The following GLIS1 variants were observed in gnomAD, a reference collection of about 807,000 sequenced individuals.
GLIS1 encodes the protein zinc finger protein GLIS1.
In GLIS1, 24 loss-of-function variants were observed where a neutral mutation model predicts 63.8. That is an observed-to-expected ratio of 0.38 (90% CI 0.27 to 0.53). The LOEUF (loss-of-function observed/expected upper bound fraction) is 0.53, where lower values mean the gene tolerates loss of function less well. Among genes scored for constraint, GLIS1 ranks in the 20% least tolerant of loss-of-function variants. GLIS1 has a pLI of 0.85. For missense variants in GLIS1, 1,036 were observed against 1,074.1 expected, an observed-to-expected ratio of 0.96 and a Z score of 0.50; for synonymous variants, 450 against 482.5, an observed-to-expected ratio of 0.93 and a Z score of 0.88.
chr1:53,640,951 C>G (rs934673420), intron 2 of GLIS1, among the ~76,000 whole-genome samples: 1 of 152,146 alleles, frequency 6.6e-6, no homozygotes, highest in African/African-American at 2.4e-5. Flanking sequence ...AAGGCACACT[C>G]TTAGGCCTCT....
At chr1:53,666,995 C>T (rs1009518436) in intron 2 of GLIS1, among the ~76,000 whole-genome samples, 1 of 152,218 alleles carries the variant, frequency 6.6e-6, no homozygotes, top group African/African-American at 2.4e-5. Context: ...CTCATCCCTA[C>T]ACTACTTCAT....
At chr1:53,568,833 C>A (rs1644958415) in intron 4 of GLIS1, among the ~76,000 whole-genome samples, 1 of 152,202 alleles carries the variant, frequency 6.6e-6, no homozygotes, top group Non-Finnish European at 1.5e-5. Context: ...GCCTGTGGCT[C>A]TGTGAGTCAA....
chr1:53,676,742 C>T (rs1646216911), intron 2 of GLIS1, among the ~76,000 whole-genome samples: 2 of 152,186 alleles, frequency 1.3e-5, no homozygotes, highest in Non-Finnish European at 2.9e-5. Context: ...AGGCCAGAAG[C>T]ACCCTCCACC....
intron 2 of GLIS1, among the ~76,000 whole-genome samples, chr1:53,664,904 G>C (rs1007167513): frequency 6.6e-6 from 1 of 152,176 alleles, no homozygotes; most frequent in Non-Finnish European, 1.5e-5. Flanking sequence ...TGGGGCAAGA[G>C]CACAGATGGT....
intron 2 of GLIS1, among the ~76,000 whole-genome samples, chr1:53,679,780 A>G (rs1426944162): frequency 6.6e-6 from 1 of 152,248 alleles, no homozygotes; most frequent in Admixed American, 6.5e-5. Flanking sequence ...AGGGCTGGAA[A>G]GCCCCTGTAG....
chr1:53,627,753 C>T (rs1267808030), intron 2 of GLIS1, among the ~76,000 whole-genome samples: 1 of 152,078 alleles, frequency 6.6e-6, no homozygotes, highest in Non-Finnish European at 1.5e-5. Flanking sequence ...TGAGTATCAA[C>T]CAGAGAGGAG....
intron 2 of GLIS1, among the ~76,000 whole-genome samples, chr1:53,608,424 T>C (rs1399379224): frequency 6.6e-6 from 1 of 152,232 alleles, no homozygotes; most frequent in Non-Finnish European, 1.5e-5. Context: ...GTAATATTCA[T>C]TCTGTAACAC....
At chr1:53,731,543 T>C (rs1570115772) in intron 2 of GLIS1, among the ~76,000 whole-genome samples, 1 of 152,198 alleles carries the variant, frequency 6.6e-6, no homozygotes, top group East Asian at 1.9e-4. Context: ...AAGTACTGGC[T>C]CTGCTGTCAG....
intron 2 of GLIS1, among the ~76,000 whole-genome samples, chr1:53,657,511 G>C (rs1181269241): frequency 6.6e-6 from 1 of 152,182 alleles, no homozygotes. Flanking sequence ...CCTGTTATGA[G>C]CCTGCCTTTA....
intron 5 of GLIS1, among the ~76,000 whole-genome samples, chr1:53,528,524 T>C (rs748997755): frequency 6.6e-6 from 1 of 152,144 alleles, no homozygotes. Context: ...TGTGTGAGAC[T>C]GTGGGGCCAG....
At chr1:53,625,359 A>G (rs138711086) in intron 2 of GLIS1, among the ~76,000 whole-genome samples, 5 of 152,304 alleles carry the variant, frequency 3.3e-5, no homozygotes, top group African/African-American at 9.6e-5. Flanking sequence ...TGGGACCAGG[A>G]AGCCCAGGAA....
intron 4 of GLIS1, among the ~76,000 whole-genome samples, chr1:53,584,450 A>G (rs1379542780): frequency 6.6e-6 from 1 of 152,214 alleles, no homozygotes; most frequent in African/African-American, 2.4e-5. Context: ...CCCACCTGTC[A>G]GAGCCCAGCT....
At position 53,598,256 on chromosome 1, in the gene GLIS1, ATG is replaced by A. The variant is rs1483793429; in HGVS notation, c.437+1843_437+1844del. On this transcript the variant is annotated intron_variant, in intron 3 of 10. Coordinates refer to ENST00000628545, the MANE Select transcript of GLIS1 (RefSeq NM_001367484.1). This position sits in a 1 kb window ranked among gnomAD's most constrained non-coding sequence, Gnocchi z 4.6. The stretch of plus-strand genomic sequence containing the variant: ...GATAGGACAGGTGTTCTTATAAGAA[ATG>A]AGGGCCGGGCACGGTGGCTCACGCC... Among the ~76,000 whole-genome samples, 30 of 152,216 alleles carry A rather than the reference ATG, an allele frequency of 2.0e-4. No homozygotes were observed. The highest frequency in any genetic ancestry group is 7.0e-4 in the African/African-American group (29 of 41,458).
intron 8 of GLIS1, among the ~76,000 whole-genome samples, chr1:53,510,531 G>C (rs539773164): frequency 1.3e-5 from 2 of 152,306 alleles, no homozygotes; most frequent in African/African-American, 4.8e-5. Flanking sequence ...ACTTGCCCCA[G>C]GTCCTGGGAG....
rs150565330 is a variant in GLIS1 at position 53,580,082 on chromosome 1, G to A, written c.1320+14026C>T. Among the ~76,000 whole-genome samples the A allele has an allele frequency of 5.9e-5, 9 of 152,288 alleles. No individual in the cohort carries two copies. The East Asian group carries it at 9.7e-4, about 16-fold the overall frequency. ...TGGGATCAGAATCTTGATTCCAGGA[G>A]CCCCTGGGGCAGAGCCTAGGCCTCT... On this transcript the variant is annotated intron_variant, in intron 4 of 10. Transcript: ENST00000628545.
rs80200049 is a variant in GLIS1, at chr1:53,636,715, C to T, written c.260-36437G>A. Among the ~76,000 whole-genome samples, 5 of 152,342 alleles carry T rather than the reference C, an allele frequency of 3.3e-5. No individual in the cohort carries two copies. The East Asian group carries it at 5.8e-4, about 18-fold the overall frequency. On this transcript the variant is annotated intron_variant, in intron 2 of 10. Transcript: ENST00000628545. The stretch of plus-strand genomic sequence containing the variant: ...ACCTCTCAGCTCACCCTGAGCATCA[C>T]CTGTCTTCAGTCTACCTGCTCCCTC...
At chr1:53,626,067 T>A (rs958285346) in intron 2 of GLIS1, among the ~76,000 whole-genome samples, 2 of 152,202 alleles carry the variant, frequency 1.3e-5, no homozygotes, top group African/African-American at 4.8e-5. Flanking sequence ...CTTTGCTTCC[T>A]GGCAGAACCA....
chr1:53,577,137 CCT>C (rs1557459762), intron 4 of GLIS1, among the ~76,000 whole-genome samples: 20 of 151,834 alleles, frequency 1.3e-4, no homozygotes, highest in South Asian at 1.0e-3. Context: ...GCCTCCCCCC[CCT>C]CCATGCTTCT....
chr1:53,630,592 T>C (rs1214863512), intron 2 of GLIS1, among the ~76,000 whole-genome samples: 2 of 151,660 alleles, frequency 1.3e-5, no homozygotes, highest in African/African-American at 4.8e-5. Flanking sequence ...GCCTCCCGGG[T>C]TCAAGCAATT....
Sources: gnomAD v4.1 joint callset for allele counts (sites outside exome capture counted in the v4.1 genomes callset) on GRCh38, gnomAD v4.1.1 for gene constraint, Gnocchi (gnomAD v3.1) non-coding constraint, MANE v1.5 for transcripts, NCBI Gene and HGNC (gene_info 2026-07-23, HGNC 2026-07-21) for gene names.